RBBP5: variants seen among roughly 807,000 people sequenced by gnomAD.
RBBP5 encodes the protein RB binding protein 5, histone lysine methyltransferase complex subunit, also known as retinoblastoma-binding protein 5.
Under a neutral mutation model 72.2 loss-of-function variants are expected in RBBP5, and 5 were observed. The observed-to-expected ratio is 0.07, with a 90% CI of 0.04 to 0.15. The LOEUF (loss-of-function observed/expected upper bound fraction) is 0.15. RBBP5 is among the 10% of genes least tolerant of loss of function. The pLI, the probability that RBBP5 is intolerant of heterozygous loss-of-function variation, is 1.00. For missense variants in RBBP5, 322 were observed against 652.2 expected (o/e 0.49, Z 5.51); for synonymous variants, 209 against 237.2 (o/e 0.88, Z 1.09).
At chr1:205,104,918 G>T in intron 4 of RBBP5, 110 bp downstream of exon 4, 1 of 1,209,954 alleles carries the variant, frequency 8.3e-7, no homozygotes. Context: ...TAGAAGGTTT[G>T]AAGAGATGTG....
At chr1:205,111,999 T>C (rs975032547) in intron 3 of RBBP5, among the ~76,000 whole-genome samples, 10 of 151,948 alleles carry the variant, frequency 6.6e-5, no homozygotes, top group Admixed American at 5.2e-4. Context: ...TCTGGCAACA[T>C]CTACTTATCT....
rs1188079709 is a variant in RBBP5, at chr1:205,121,754, G to A, written c.19+101C>T. 3.8e-6 allele frequency: 6 copies of A among 1,566,014 alleles called. No homozygotes were observed. The African/African-American group carries it at 5.4e-5, about 14-fold the overall frequency. ...CAGGTGTGCCCAGTGATCCATAGCC[G>A]AACAGTGTCCCTAAGATTGCAGCCT... On this transcript the variant is annotated intron_variant, in intron 1 of 13. Transcript: ENST00000264515.
At chr1:205,105,545 A>G (rs1656022259) in intron 3 of RBBP5, among the ~76,000 whole-genome samples, 1 of 152,258 alleles carries the variant, frequency 6.6e-6, no homozygotes, top group African/African-American at 2.4e-5. Flanking sequence ...CAAAAAAATG[A>G]TAAGTATCTG....
intron 1 of RBBP5, among the ~76,000 whole-genome samples, chr1:205,116,617 C>T (rs555223417): frequency 6.6e-6 from 1 of 152,128 alleles, no homozygotes; most frequent in Non-Finnish European, 1.5e-5. Flanking sequence ...AGTTCAAGAC[C>T]GGCCTAGCCA....
At chr1:205,115,224 A>C (rs1234629375) in intron 2 of RBBP5, among the ~76,000 whole-genome samples, 1 of 152,212 alleles carries the variant, frequency 6.6e-6, no homozygotes, top group African/African-American at 2.4e-5. Context: ...TGGAGGGCAA[A>C]TGGGCAAAAT....
At chr1:205,105,278 G>A (rs1245776638) in intron 3 of RBBP5, 110 bp from the exon 4 acceptor site, 6 of 1,308,078 alleles carry the variant, frequency 4.6e-6, no homozygotes, top group Non-Finnish European at 3.1e-6. Context: ...GGTCAACAAT[G>A]TTTTTGGTTT....
intron 1 of RBBP5, among the ~76,000 whole-genome samples, chr1:205,117,045 GTTTT>G (rs963692467): frequency 6.6e-6 from 1 of 151,332 alleles, no homozygotes; most frequent in African/African-American, 2.4e-5. Flanking sequence ...GACCGGCCTG[GTTTT>G]TTTTGTTTGT....
chr1:205,102,996 C>CAA (rs376931698), intron 5 of RBBP5, among the ~76,000 whole-genome samples: 10,398 of 117,092 alleles, frequency 0.089, 819 homozygotes, highest in African/African-American at 0.22. Flanking sequence ...AACTCCATCT[C>CAA]AAAAAAAAAA....
rs183936064 is a variant in RBBP5, at chr1:205,088,111, T to C, written c.*676A>G. On this transcript the variant is annotated 3_prime_UTR_variant, in exon 14 of 14. Transcript: ENST00000264515. ...CATGATTGATGACAATGAACCAATA[T>C]TGGAGGGAAACATGCAATGAGAGGA... The C allele has an allele frequency of 6.6e-6, 1 of 152,288 alleles. No individual in the cohort carries two copies. The highest frequency in any genetic ancestry group is 1.9e-4 in the East Asian group (1 of 5,186). 9.4% of individuals were successfully genotyped at this position (152,288 alleles called of 1,614,324 possible). A position where few individuals can be genotyped will look rare whatever the true frequency, so the allele number is the denominator to read the frequency against.
Position 205,099,627 on chromosome 1 carries a change from C to T in RBBP5, c.978+114G>A, listed in dbSNP as rs529524914. On this transcript the variant is annotated intron_variant, in intron 9 of 13. Coordinates refer to ENST00000264515, the MANE Select transcript of RBBP5 (RefSeq NM_005057.4). This position sits in a 1 kb window ranked among gnomAD's most constrained non-coding sequence, Gnocchi z 4.7. ...CACTGAACCTATGTAATTTAGGTTG[C>T]GAGAATCATATGCAAAAGAAAATAA... 6.3e-5 allele frequency: 72 copies of T among 1,151,040 alleles called. No homozygotes were observed. In the African/African-American group the frequency reaches 9.3e-4, roughly 15 times the overall value. 71.3% of individuals were successfully genotyped at this position (1,151,040 alleles called of 1,614,324 possible).
chr1:205,115,997 C>T, intron 1 of RBBP5, 114 bp from the exon 2 acceptor site: 1 of 1,606,318 alleles, frequency 6.2e-7, no homozygotes, highest in Non-Finnish European at 8.5e-7. Context: ...ATATGATGCC[C>T]TTTCAGGCAT....
intron 3 of RBBP5, among the ~76,000 whole-genome samples, chr1:205,106,748 TA>T (rs759352320): frequency 6.6e-6 from 1 of 151,996 alleles, no homozygotes; most frequent in Non-Finnish European, 1.5e-5. Context: ...AGAAATGACA[TA>T]AATGTTAGAA....
In RBBP5 at chr1:205,114,601, G is replaced by T. The variant is rs573998468; in HGVS notation, c.218+188C>A. ...GCCTGATACAGATCCATAATACAAT[G>T]AATTTCTCCCAAGAAAGGTGCTTCA... On this transcript the variant is annotated intron_variant, in intron 3 of 13. Coordinates refer to ENST00000264515, the MANE Select transcript of RBBP5 (RefSeq NM_005057.4). Among the ~76,000 whole-genome samples, 264 of 152,192 alleles carry T rather than the reference G, an allele frequency of 1.7e-3. 1 individual carries two copies. Among genetic ancestry groups the T allele is most frequent in the African/African-American group, 5.9e-3 (243 of 41,520 alleles).
At position 205,099,562 on chromosome 1, in the gene RBBP5, G is replaced by A. The variant is rs1369851169; in HGVS notation, c.978+179C>T. On this transcript the variant is annotated intron_variant, in intron 9 of 13. Transcript: ENST00000264515. This position sits in a 1 kb window ranked among gnomAD's most constrained non-coding sequence, Gnocchi z 4.7. The stretch of plus-strand genomic sequence containing the variant: ...TGAAAAGAGCCAGAAAACCAACTTG[G>A]GACCAAGACCTTCCCACCAAAATAA... Among the ~76,000 whole-genome samples, 1 of 151,990 alleles carries A rather than the reference G, an allele frequency of 6.6e-6. No homozygotes were observed. The highest frequency in any genetic ancestry group is 2.4e-5 in the African/African-American group (1 of 41,394).
intron 5 of RBBP5, among the ~76,000 whole-genome samples, chr1:205,102,759 T>C (rs1433598465): frequency 6.6e-6 from 1 of 152,114 alleles, no homozygotes; most frequent in Non-Finnish European, 1.5e-5. Flanking sequence ...TTTAGGAGGC[T>C]GAAGCAAGTG....
intron 12 of RBBP5, among the ~76,000 whole-genome samples, chr1:205,095,762 G>T (rs1465293476): frequency 6.6e-6 from 1 of 152,092 alleles, no homozygotes; most frequent in Non-Finnish European, 1.5e-5. Context: ...TAAAAAGCAG[G>T]TAAAACAACT....
intron 13 of RBBP5, chr1:205,092,078 GA>G (rs1430766059): frequency 6.6e-6 from 1 of 152,090 alleles, no homozygotes; most frequent in African/African-American, 2.4e-5. Flanking sequence ...CACGTTACTG[GA>G]TAAAGCCCTA....
intron 12 of RBBP5, 77 bp downstream of exon 12, chr1:205,096,605 G>A (rs11577406): frequency 7.3e-7 from 1 of 1,363,744 alleles, no homozygotes. Context: ...CGCTCAAACA[G>A]GAAATTACCA....
In RBBP5 at chr1:205,088,402, G is replaced by C. The variant is rs555076570; in HGVS notation, c.*385C>G. On this transcript the variant is annotated 3_prime_UTR_variant, in exon 14 of 14. Transcript: ENST00000264515. ...GAAGTCACTCAAAGACATGCATTGA[G>C]GACCGAAGGCAAATGGGAGATAGGA... is the stretch of plus-strand genomic sequence containing the variant. 5.2e-6 allele frequency: 1 copy of C among 190,500 alleles called. No individual in the cohort carries two copies. The highest frequency in any genetic ancestry group is 1.1e-5 in the Non-Finnish European group (1 of 92,584). 11.8% of individuals were successfully genotyped at this position (190,500 alleles called of 1,614,324 possible). A position where few individuals can be genotyped will look rare whatever the true frequency, so the allele number is the denominator to read the frequency against.
Sources: allele counts gnomAD v4.1 joint callset (sites outside exome capture counted in the v4.1 genomes callset), GRCh38; gene constraint gnomAD v4.1.1; non-coding constraint Gnocchi (gnomAD v3.1); transcripts MANE v1.5; gene names NCBI Gene and HGNC (gene_info 2026-07-23, HGNC 2026-07-21).